The following PCDHGB5 variants were observed in gnomAD, a reference collection of about 807,000 sequenced individuals.
PCDHGB5 encodes the protein protocadherin gamma-B5.
PCDHGB5 carries 48 observed loss-of-function variants against 62.9 expected under a neutral mutation model. That is an observed-to-expected ratio of 0.76 (90% CI 0.61 to 0.97). The LOEUF (loss-of-function observed/expected upper bound fraction) is 0.97, where lower values mean the gene tolerates loss of function less well. Ranked by LOEUF, PCDHGB5 falls within the 50% of genes least tolerant of loss-of-function variation. The probability of loss-of-function intolerance (pLI) is 0.00; values close to 1 mark genes in which losing one functional copy is unlikely to be tolerated. For synonymous variants in PCDHGB5, 474 were observed against 511.2 expected, an observed-to-expected ratio of 0.93 and a Z score of 0.98; for missense variants, 1,118 against 1,198.6, an observed-to-expected ratio of 0.93 and a Z score of 0.99.
Position 141,489,458 on chromosome 5 carries a change from G to T in PCDHGB5, c.2398-5349G>T, listed in dbSNP as rs143138320. 1 of 1,613,924 alleles carries T rather than the reference G, an allele frequency of 6.2e-7. No homozygotes were observed. Among genetic ancestry groups the T allele is most frequent in the Non-Finnish European group, 8.5e-7 (1 of 1,180,000 alleles). On this transcript the variant is annotated intron_variant, in intron 1 of 3. Coordinates refer to ENST00000617380, the MANE Select transcript of PCDHGB5 (RefSeq NM_018925.3). The surrounding 1 kb of genome is among the most constrained non-coding windows in gnomAD (Gnocchi z 4.5). ...CAATTGGGCTCTGAGGAGAATGGGC[G>T]CTATTTTTCCCTGAGCTTGATGAGT...
At position 141,489,760 on chromosome 5, in the gene PCDHGB5, C is replaced by A; in HGVS notation, c.2398-5047C>A. 1 of 1,614,086 alleles carries A rather than the reference C, an allele frequency of 6.2e-7. No individual in the cohort carries two copies. Among genetic ancestry groups the A allele is most frequent in the Non-Finnish European group, 8.5e-7 (1 of 1,179,970 alleles). On this transcript the variant is annotated intron_variant, in intron 1 of 3. Coordinates refer to ENST00000617380, the MANE Select transcript of PCDHGB5 (RefSeq NM_018925.3). This position sits in a 1 kb window ranked among gnomAD's most constrained non-coding sequence, Gnocchi z 4.5. ...TACTGTGAGCTTTTACACTCTAAGC[C>A]CCAACAGCCACTTCTCTCTGAATGT...
At chr5:141,457,330 A>G (rs2098916985) in intron 1 of PCDHGB5, among the ~76,000 whole-genome samples, 1 of 152,174 alleles carries the variant, frequency 6.6e-6, no homozygotes, top group Non-Finnish European at 1.5e-5. Flanking sequence ...GGTTACAGGT[A>G]CCTTACTTAC....
At position 141,487,152 on chromosome 5, in the gene PCDHGB5, C is replaced by T. The variant is rs772254681; in HGVS notation, c.2398-7655C>T. On this transcript the variant is annotated intron_variant, in intron 1 of 3. Coordinates refer to ENST00000617380, the MANE Select transcript of PCDHGB5 (RefSeq NM_018925.3). The surrounding 1 kb of genome is among the most constrained non-coding windows in gnomAD (Gnocchi z 5.0). ...AGTCCACCACTCTCTACCTCTGTTA[C>T]TCTCTTAGTGTCCTTAGAGGAAGAC... 3.7e-6 allele frequency: 6 copies of T among 1,613,860 alleles called. No homozygotes were observed. Among genetic ancestry groups the T allele is most frequent in the Non-Finnish European group, 5.1e-6 (6 of 1,179,828 alleles).
Position 141,398,588 on chromosome 5 carries a change from T to C in PCDHGB5, c.461T>C (p.Leu154Pro). Residue 154 changes from leucine to proline, a missense_variant, in exon 1 of 4, where the codon CTA (leucine) becomes CCA (proline). Physicochemically the swap from Leu to Pro is moderately conservative, Grantham distance 98. Coordinates refer to ENST00000617380, the MANE Select transcript of PCDHGB5 (RefSeq NM_018925.3). ...ESAQPGTRFI[L>P]EVAEDADIGL... ...GCACAGCCTGGCACAAGATTTATAC[T>C]AGAAGTAGCAGAAGATGCAGATATT... 1.9e-6 allele frequency: 3 copies of C among 1,614,010 alleles called. No individual in the cohort carries two copies. Among genetic ancestry groups the C allele is most frequent in the African/African-American group, 1.3e-5 (1 of 75,040 alleles).
At chr5:141,497,203 G>A (rs750138875) in intron 2 of PCDHGB5, among the ~76,000 whole-genome samples, 25 of 91,718 alleles carry the variant, frequency 2.7e-4, no homozygotes, top group Non-Finnish European at 4.9e-4. Flanking sequence ...AACAATGTGA[G>A]TGTAATGGGG....
chr5:141,504,755 T>A (rs953075905), intron 2 of PCDHGB5, among the ~76,000 whole-genome samples: 13 of 151,824 alleles, frequency 8.6e-5, no homozygotes, highest in Non-Finnish European at 1.5e-5. Flanking sequence ...ATTTTAGAAA[T>A]TTCTTCTCCC....
rs2099648980 is a variant in PCDHGB5 at position 141,487,537 on chromosome 5, G to A, written c.2398-7270G>A. ...CTCGGAGTGATAGCTTCATGATGGT[G>A]AAGTCACCCAGTGCACCTATGGCAG... On this transcript the variant is annotated intron_variant, in intron 1 of 3. Transcript: ENST00000617380. The surrounding 1 kb of genome is among the most constrained non-coding windows in gnomAD (Gnocchi z 5.0). The A allele has an allele frequency of 1.2e-6, 2 of 1,614,188 alleles. No individual in the cohort carries two copies. Among genetic ancestry groups the A allele is most frequent in the Admixed American group, 1.7e-5 (1 of 60,028 alleles).
chr5:141,499,457 T>G (rs1000400491), intron 2 of PCDHGB5, among the ~76,000 whole-genome samples: 1 of 152,214 alleles, frequency 6.6e-6, no homozygotes, highest in African/African-American at 2.4e-5. Context: ...CCCATCATTT[T>G]ACAATCTAGG....
intron 1 of PCDHGB5, among the ~76,000 whole-genome samples, chr5:141,446,174 G>A (rs1242027176): frequency 1.3e-5 from 2 of 152,062 alleles, no homozygotes; most frequent in Non-Finnish European, 2.9e-5. Context: ...GAGGGCAGGG[G>A]GTGTTTTGTT....
chr5:141,444,350 T>C (rs1021358194), intron 1 of PCDHGB5, among the ~76,000 whole-genome samples: 7 of 151,946 alleles, frequency 4.6e-5, no homozygotes, highest in Admixed American at 2.0e-4. Context: ...TTTGTATTTT[T>C]AGTAGAGACG....
intron 1 of PCDHGB5, among the ~76,000 whole-genome samples, chr5:141,469,375 G>C (rs942714664): frequency 2.0e-5 from 3 of 152,076 alleles, no homozygotes; most frequent in African/African-American, 7.2e-5. Flanking sequence ...AAGAGATCGA[G>C]ACCATCCTGG....
At chr5:141,438,249 A>G (rs1166079222) in intron 1 of PCDHGB5, among the ~76,000 whole-genome samples, 2 of 152,168 alleles carry the variant, frequency 1.3e-5, no homozygotes, top group Non-Finnish European at 2.9e-5. Context: ...AAAAACTGTC[A>G]TTGAAGAGAC....
intron 1 of PCDHGB5, chr5:141,414,308 T>C: frequency 6.2e-7 from 1 of 1,613,764 alleles, no homozygotes; most frequent in Non-Finnish European, 8.5e-7. Context: ...GTGCATGATT[T>C]AGACTCTGAG....
rs61612330 is a variant in PCDHGB5, at chr5:141,454,796, A to ATTTTTTTTTTTTTTTTTT, written c.2398-39999_2398-39982dup. Reference sequence around the variant, plus strand: ...AAGGAAATAATCCTCCATGGTTCTAATTTTTTTTTTTTTTTTTTTTTTTTT... The same window carrying ATTTTTTTTTTTTTTTTTT: ...AAGGAAATAATCCTCCATGGTTCTAATTTTTTTTTTTTTTTTTTTTTTTTTTTTTTTTTTTTTTTTTTT... On this transcript the variant is annotated intron_variant, in intron 1 of 3. Coordinates refer to ENST00000617380, the MANE Select transcript of PCDHGB5 (RefSeq NM_018925.3). 9.0e-4 allele frequency among the ~76,000 whole-genome samples: 70 copies of ATTTTTTTTTTTTTTTTTT among 77,458 alleles called. 9 individuals carry two copies. Among genetic ancestry groups the ATTTTTTTTTTTTTTTTTT allele is most frequent in the Non-Finnish European group, 1.1e-3 (48 of 42,814 alleles). The allele number at this position is 77,458 out of a possible 152,430, so 50.8% of individuals were successfully genotyped here. A position where few individuals can be genotyped will look rare whatever the true frequency, so the allele number is the denominator to read the frequency against.
chr5:141,499,223 C>T (rs1478344280), intron 2 of PCDHGB5, among the ~76,000 whole-genome samples: 2 of 152,112 alleles, frequency 1.3e-5, no homozygotes, highest in African/African-American at 4.8e-5. Context: ...CCCTGCCCTG[C>T]AGCTGTCCCC....
intron 1 of PCDHGB5, among the ~76,000 whole-genome samples, chr5:141,425,336 G>A (rs2096868804): frequency 6.6e-6 from 1 of 152,182 alleles, no homozygotes; most frequent in South Asian, 2.1e-4. Flanking sequence ...CAAAAAGGAA[G>A]GGTTGGCTTT....
At chr5:141,446,595 GCCTCC>G (rs2098508132) in intron 1 of PCDHGB5, among the ~76,000 whole-genome samples, 2 of 152,012 alleles carry the variant, frequency 1.3e-5, no homozygotes, top group South Asian at 4.1e-4. Context: ...TTCTGCCTCA[GCCTCC>G]TGAGTAGCTG....
chr5:141,491,932 G>A lies in PCDHGB5; in HGVS notation c.2398-2875G>A. Reference sequence around the variant, plus strand: ...GGCGACTGTGGGCGAGGGGAGGTGGGACCGACCCCCACCCCTACACTCAAA... The same window carrying A: ...GGCGACTGTGGGCGAGGGGAGGTGGAACCGACCCCCACCCCTACACTCAAA... On this transcript the variant is annotated intron_variant, in intron 1 of 3. Transcript: ENST00000617380. This position sits in a 1 kb window ranked among gnomAD's most constrained non-coding sequence, Gnocchi z 6.9. 1 of 1,259,014 alleles carries A rather than the reference G, an allele frequency of 7.9e-7. No homozygotes were observed. The highest frequency in any genetic ancestry group is 1.1e-6 in the Non-Finnish European group (1 of 926,048). The allele number at this position is 1,259,014 out of a possible 1,614,324, so 78.0% of individuals were successfully genotyped here. A position where few individuals can be genotyped will look rare whatever the true frequency, so the allele number is the denominator to read the frequency against.
intron 1 of PCDHGB5, chr5:141,423,477 C>T (rs376147466): frequency 1.5e-5 from 24 of 1,613,872 alleles, no homozygotes; most frequent in Non-Finnish European, 1.9e-5. Flanking sequence ...TACAGGCTTT[C>T]CTGCAAACCT....
Sources: allele counts gnomAD v4.1 joint callset (sites outside exome capture counted in the v4.1 genomes callset), GRCh38; gene constraint gnomAD v4.1.1; non-coding constraint Gnocchi (gnomAD v3.1); transcripts MANE v1.5; gene names NCBI Gene and HGNC (gene_info 2026-07-23, HGNC 2026-07-21).